The following RAB11FIP2 variants were observed in gnomAD, a reference collection of about 807,000 sequenced individuals.
RAB11FIP2 encodes rab11 family-interacting protein 2.
In RAB11FIP2, 16 loss-of-function variants were observed where a neutral mutation model predicts 40.9. The ratio of observed to expected loss-of-function variants is 0.39; its 90% CI spans 0.26 to 0.59. The LOEUF (loss-of-function observed/expected upper bound fraction) is 0.59, where lower values mean the gene tolerates loss of function less well. Ranked by LOEUF, RAB11FIP2 falls within the 20% of genes least tolerant of loss-of-function variation. The pLI, the probability that RAB11FIP2 is intolerant of heterozygous loss-of-function variation, is 0.53. For synonymous variants in RAB11FIP2, 228 were observed against 213.7 expected (o/e 1.07, Z -0.58); for missense variants, 532 against 606.2 (o/e 0.88, Z 1.28).
chr10:118,020,563 T>C (rs1191725447), intron 3 of RAB11FIP2, among the ~76,000 whole-genome samples: 1 of 151,996 alleles, frequency 6.6e-6, no homozygotes, highest in Non-Finnish European at 1.5e-5. Context: ...ACTGAAAGCA[T>C]AGGAGGCAGG....
chr10:118,023,225 G>A (rs771359026), intron 3 of RAB11FIP2, among the ~76,000 whole-genome samples: 13 of 152,058 alleles, frequency 8.5e-5, no homozygotes, highest in Admixed American at 4.6e-4. Context: ...ACATGTTGAA[G>A]TTTTTGTTTT....
At chr10:118,031,288 A>C (rs1846411071) in intron 3 of RAB11FIP2, among the ~76,000 whole-genome samples, 2 of 152,172 alleles carry the variant, frequency 1.3e-5, no homozygotes, top group South Asian at 4.1e-4. Context: ...ATGAAGGTTT[A>C]AAAACTATCA....
At chr10:118,045,314 G>C (rs1846614316) in intron 1 of RAB11FIP2, 1 of 154,326 alleles carries the variant, frequency 6.5e-6, no homozygotes, top group African/African-American at 2.4e-5. Flanking sequence ...CCTGAAAAAT[G>C]GCTGAGCTAA....
chr10:118,014,069 C>CAGCA (rs1389816033), intron 4 of RAB11FIP2, among the ~76,000 whole-genome samples: 1 of 152,010 alleles, frequency 6.6e-6, no homozygotes, highest in African/African-American at 2.4e-5. Flanking sequence ...TTAAATAAAA[C>CAGCA]AGCAAAAACA....
At chr10:118,042,944 G>T (rs183215316) in intron 1 of RAB11FIP2, among the ~76,000 whole-genome samples, 42 of 152,234 alleles carry the variant, frequency 2.8e-4, no homozygotes, top group Admixed American at 1.5e-3. Context: ...AAGTCTTAAT[G>T]AGATCTTCAA....
Position 118,007,342 on chromosome 10 carries a change from G to GAAGTTTAC in RAB11FIP2, c.*1655_*1656insGTAAACTT, listed in dbSNP as rs1846102618. On this transcript the variant is annotated 3_prime_UTR_variant, in exon 5 of 5. Coordinates refer to ENST00000355624, the MANE Select transcript of RAB11FIP2 (RefSeq NM_014904.3). Reference sequence around the variant, plus strand: ...AAATGTTCATAATTTCAAAATGTATGTTCTTACAGTAAAACTGAAATGCAG... The same window carrying GAAGTTTAC: ...AAATGTTCATAATTTCAAAATGTATGAAGTTTACTTCTTACAGTAAAACTGAAATGCAG... 6.6e-6 allele frequency: 1 copy of GAAGTTTAC among 151,388 alleles called. No homozygotes were observed. The highest frequency in any genetic ancestry group is 6.6e-5 in the Admixed American group (1 of 15,168). 9.4% of individuals were successfully genotyped at this position (151,388 alleles called of 1,614,324 possible).
intron 4 of RAB11FIP2, among the ~76,000 whole-genome samples, chr10:118,011,873 TTTTC>T (rs1214368461): frequency 6.6e-6 from 1 of 152,140 alleles, no homozygotes; most frequent in African/African-American, 2.4e-5. Context: ...GCTTTATGCT[TTTTC>T]TTTATTTAAC....
chr10:118,009,054 T>A lies in RAB11FIP2; in HGVS notation c.1483A>T (p.Ile495Phe). 1 of 1,613,624 alleles carries A rather than the reference T, an allele frequency of 6.2e-7. No homozygotes were observed. The highest frequency in any genetic ancestry group is 8.5e-7 in the Non-Finnish European group (1 of 1,179,622). Residue 495 changes from isoleucine to phenylalanine, a missense_variant, in exon 5 of 5, where the codon ATT becomes TTT. Coordinates refer to ENST00000355624, the MANE Select transcript of RAB11FIP2 (RefSeq NM_014904.3). ...GATGGTTCATACGGCACTCTGAGAA[T>A]ACTGGGCGTTTCTTCCATTACCCTT... is the stretch of plus-strand genomic sequence containing the variant. ...LVRVMEETPS[I>F]LRVPYEPSRK...
At chr10:118,019,655 C>T (rs568097668) in intron 3 of RAB11FIP2, among the ~76,000 whole-genome samples, 6 of 151,844 alleles carry the variant, frequency 4.0e-5, no homozygotes, top group Non-Finnish European at 7.4e-5. Flanking sequence ...AACCCCGTCT[C>T]TACTAAAAAT....
chr10:118,032,404 C>T (rs1380301417), intron 3 of RAB11FIP2, among the ~76,000 whole-genome samples: 1 of 148,888 alleles, frequency 6.7e-6, no homozygotes, highest in Non-Finnish European at 1.5e-5. Flanking sequence ...GCATTAGGTG[C>T]GTGCGTGCGT....
chr10:118,038,258 A>C (rs1846506971), intron 3 of RAB11FIP2, among the ~76,000 whole-genome samples: 1 of 151,032 alleles, frequency 6.6e-6, no homozygotes, highest in African/African-American at 2.4e-5. Flanking sequence ...GTAGATATAA[A>C]TTTATATAGA....
At chr10:118,042,773 A>G (rs1008889499) in intron 1 of RAB11FIP2, among the ~76,000 whole-genome samples, 3 of 152,190 alleles carry the variant, frequency 2.0e-5, no homozygotes, top group African/African-American at 7.2e-5. Context: ...GTAAACCTGA[A>G]TAAAGCAAAT....
At chr10:118,033,351 T>G (rs1488273815) in intron 3 of RAB11FIP2, among the ~76,000 whole-genome samples, 1 of 152,132 alleles carries the variant, frequency 6.6e-6, no homozygotes, top group Non-Finnish European at 1.5e-5. Flanking sequence ...TGATCAGCAC[T>G]GAGGTCATGC....
At chr10:118,028,071 G>A (rs964003732) in intron 3 of RAB11FIP2, among the ~76,000 whole-genome samples, 1 of 151,948 alleles carries the variant, frequency 6.6e-6, no homozygotes, top group African/African-American at 2.4e-5. Context: ...CTCCATAGCT[G>A]GTGTGGCTAG....
At chr10:118,026,044 C>G (rs1040126835) in intron 3 of RAB11FIP2, among the ~76,000 whole-genome samples, 2 of 152,170 alleles carry the variant, frequency 1.3e-5, no homozygotes, top group African/African-American at 2.4e-5. Flanking sequence ...ATAACCCTCA[C>G]AGAGAAAGAA....
intron 3 of RAB11FIP2, among the ~76,000 whole-genome samples, chr10:118,032,070 G>A (rs958956572): frequency 1.3e-5 from 2 of 151,936 alleles, no homozygotes; most frequent in African/African-American, 2.4e-5. Flanking sequence ...ACATACATAA[G>A]CAATTTTCTC....
rs369231978 is a variant in RAB11FIP2 at position 118,041,651 on chromosome 10, CTCTGA to C, written c.354-1091_354-1087del. Among the ~76,000 whole-genome samples, 152 of 152,226 alleles carry C rather than the reference CTCTGA, an allele frequency of 1.0e-3. 1 individual carries two copies. The East Asian group carries it at 0.026, about 26-fold the overall frequency. Reference sequence around the variant, plus strand: ...ACAAATTTTCTTAGCTACAAAGGAACTCTGATCTAATTTTACATTAGTTCTTTCTC... The same window carrying C: ...ACAAATTTTCTTAGCTACAAAGGAACTCTAATTTTACATTAGTTCTTTCTC... On this transcript the variant is annotated intron_variant, in intron 1 of 4. Transcript: ENST00000355624.
At chr10:118,015,244 C>T in intron 3 of RAB11FIP2, 134 bp from the exon 4 acceptor site, 1 of 570,012 alleles carries the variant, frequency 1.8e-6, no homozygotes, top group Non-Finnish European at 2.8e-6. Context: ...AAATTTAATC[C>T]AAGAAGTAGA....
chr10:118,041,203 G>A (rs1439139346), intron 1 of RAB11FIP2, among the ~76,000 whole-genome samples: 1 of 151,164 alleles, frequency 6.6e-6, no homozygotes, highest in African/African-American at 2.4e-5. Flanking sequence ...CAAAAAATAA[G>A]TAAAATGCAA....
Sources: gnomAD v4.1 joint callset for allele counts (sites outside exome capture counted in the v4.1 genomes callset) on GRCh38, gnomAD v4.1.1 for gene constraint, MANE v1.5 for transcripts, NCBI Gene and HGNC (gene_info 2026-07-23, HGNC 2026-07-21) for gene names.